Variants in PLXNA4 observed in about 807,000 individuals in gnomAD.
PLXNA4 encodes the protein plexin A4, also known as plexin-A4.
A neutral mutation model predicts 191.8 loss-of-function variants in PLXNA4; 44 were observed. The ratio of observed to expected loss-of-function variants is 0.23; its 90% confidence interval spans 0.18 to 0.29. The LOEUF (loss-of-function observed/expected upper bound fraction) is 0.29, where lower values mean the gene tolerates loss of function less well. Ranked by LOEUF, PLXNA4 falls within the 10% of genes least tolerant of loss-of-function variation. The pLI, the probability that PLXNA4 is intolerant of heterozygous loss-of-function variation, is 1.00. For missense variants in PLXNA4, 1,800 were observed against 2,488.8 expected, an observed-to-expected ratio of 0.72 and a Z score of 5.89; for synonymous variants, 1,082 against 1,009.5, an observed-to-expected ratio of 1.07 and a Z score of -1.36.
chr7:132,611,740 G>C (rs1803050083), intron 2 of PLXNA4, among the ~76,000 whole-genome samples: 1 of 152,228 alleles, frequency 6.6e-6, no homozygotes, highest in Non-Finnish European at 1.5e-5. Context: ...TACCTGTAGT[G>C]AGAGAGAACC....
At chr7:132,256,237 G>A (rs1035424678) in intron 4 of PLXNA4, among the ~76,000 whole-genome samples, 8 of 152,248 alleles carry the variant, frequency 5.3e-5, no homozygotes, top group African/African-American at 1.9e-4. Flanking sequence ...GGCATTTGCT[G>A]AGTTTGCAAA....
At chr7:132,319,756 T>C (rs143538022) in intron 3 of PLXNA4, among the ~76,000 whole-genome samples, 7 of 152,382 alleles carry the variant, frequency 4.6e-5, no homozygotes, top group African/African-American at 1.7e-4. Context: ...CTTTCTTTTA[T>C]TCCGTGTAAG....
chr7:132,161,039 A>G (rs1047640213), intron 24 of PLXNA4, among the ~76,000 whole-genome samples: 1 of 152,074 alleles, frequency 6.6e-6, no homozygotes, highest in Non-Finnish European at 1.5e-5. Context: ...GCCTCCTCCC[A>G]GCTCTCCCCT....
At chr7:132,371,078 C>T (rs1039800719) in intron 3 of PLXNA4, among the ~76,000 whole-genome samples, 20 of 152,014 alleles carry the variant, frequency 1.3e-4, no homozygotes, top group East Asian at 5.8e-4. Flanking sequence ...GGGAAAGGCA[C>T]GCTTCCAGGT....
At chr7:132,453,871 C>G (rs1796219429) in intron 3 of PLXNA4, among the ~76,000 whole-genome samples, 1 of 152,236 alleles carries the variant, frequency 6.6e-6, no homozygotes, top group South Asian at 2.1e-4. Flanking sequence ...AATTCCCCTT[C>G]AAGACCTCAT....
At chr7:132,130,630 C>T in intron 31 of PLXNA4, 56 bp from the exon 32 acceptor site, 1 of 1,611,460 alleles carries the variant, frequency 6.2e-7, no homozygotes, top group East Asian at 2.2e-5. Flanking sequence ...GGTCTGTGTT[C>T]TCAGGAGGCA....
At position 132,286,595 on chromosome 7, in the gene PLXNA4, C is replaced by T. The variant is rs186491281; in HGVS notation, c.1503+11496G>A. 3.3e-5 allele frequency among the ~76,000 whole-genome samples: 5 copies of T among 152,270 alleles called. No homozygotes were observed. In the East Asian group the frequency reaches 9.7e-4, roughly 29 times the overall value. ...CCCTCACCCACCCCTGCTCTACCTC[C>T]ACATCATAGCTCTTCTTCTCTATTC... On this transcript the variant is annotated intron_variant, in intron 4 of 31. Coordinates refer to ENST00000321063, the MANE Select transcript of PLXNA4 (RefSeq NM_020911.2).
chr7:132,557,304 T>C (rs1360578615), intron 1 of PLXNA4, among the ~76,000 whole-genome samples: 2 of 152,170 alleles, frequency 1.3e-5, no homozygotes, highest in East Asian at 3.9e-4. Context: ...TATCACGTGC[T>C]ACTGAAGTTG....
At chr7:132,202,982 A>C (rs76764847) in intron 11 of PLXNA4, 146 bp from the exon 12 acceptor site, 49 of 833,058 alleles carry the variant, frequency 5.9e-5, no homozygotes, top group Non-Finnish European at 8.4e-5. Flanking sequence ...CTGATGCAAA[A>C]AAGAACCTGA....
intron 1 of PLXNA4, among the ~76,000 whole-genome samples, chr7:132,550,103 C>CTATAAGGCAGG (rs1800494467): frequency 6.6e-6 from 1 of 152,104 alleles, no homozygotes; most frequent in Non-Finnish European, 1.5e-5. Context: ...CTATACCCCA[C>CTATAAGGCAGG]CTGCTGCCCA....
intron 3 of PLXNA4, among the ~76,000 whole-genome samples, chr7:132,316,353 GTTC>G (rs34505198): frequency 0.067 from 10,195 of 152,206 alleles, 448 homozygotes; most frequent in African/African-American, 0.12. Context: ...AAACCTTGAT[GTTC>G]TTAACATAAA....
intron 5 of PLXNA4, among the ~76,000 whole-genome samples, chr7:132,229,802 G>T (rs1029806752): frequency 6.6e-6 from 1 of 152,056 alleles, no homozygotes; most frequent in Non-Finnish European, 1.5e-5. Context: ...CAGGTGTGGT[G>T]TGGGGCAAGG....
rs1304677152 is a variant in PLXNA4, at chr7:132,543,731, G to A, written c.-87+32691C>T. ...AAAGGAAGGATCTTTAATAAGCGATGGGGAGCCATTGAAGATTCTCAAGCA... is the reference window on the plus strand; with the variant it reads ...AAAGGAAGGATCTTTAATAAGCGATAGGGAGCCATTGAAGATTCTCAAGCA... On this transcript the variant is annotated intron_variant, in intron 1 of 31. Coordinates refer to ENST00000321063, the MANE Select transcript of PLXNA4 (RefSeq NM_020911.2). Among the ~76,000 whole-genome samples, 3 of 152,228 alleles carry A rather than the reference G, an allele frequency of 2.0e-5. No individual in the cohort carries two copies. The East Asian group carries it at 5.8e-4, about 29-fold the overall frequency.
intron 25 of PLXNA4, among the ~76,000 whole-genome samples, chr7:132,158,005 T>G (rs1795844479): frequency 6.6e-6 from 1 of 151,970 alleles, no homozygotes; most frequent in Non-Finnish European, 1.5e-5. Flanking sequence ...CCCATACCCC[T>G]CCCCACCACC....
rs149923203 is a variant in PLXNA4, at chr7:132,559,843, T to C, written c.-87+16579A>G. On this transcript the variant is annotated intron_variant, in intron 1 of 31. Coordinates refer to ENST00000321063, the MANE Select transcript of PLXNA4 (RefSeq NM_020911.2). ...ATGTATTGGAAAGAGAGAGAACAGA[T>C]ACTGCTTGGGTTTTACTAAGCCCTA... is the stretch of plus-strand genomic sequence containing the variant. 5.9e-3 allele frequency among the ~76,000 whole-genome samples: 899 copies of C among 152,360 alleles called. 7 individuals carry two copies. The highest frequency in any genetic ancestry group is 0.037 in the Middle Eastern group (11 of 294).
chr7:132,362,266 T>C (rs1458433306), intron 3 of PLXNA4, among the ~76,000 whole-genome samples: 1 of 152,220 alleles, frequency 6.6e-6, no homozygotes, highest in African/African-American at 2.4e-5. Context: ...AGGGATCCTA[T>C]TGATGTGGTA....
intron 3 of PLXNA4, among the ~76,000 whole-genome samples, chr7:132,483,354 G>A (rs1354624646): frequency 6.6e-6 from 1 of 152,152 alleles, no homozygotes; most frequent in East Asian, 1.9e-4. Context: ...GACCACTTAT[G>A]GTTGGGGGCT....
At chr7:132,626,876 G>A (rs1803387067) in intron 2 of PLXNA4, among the ~76,000 whole-genome samples, 2 of 152,124 alleles carry the variant, frequency 1.3e-5, no homozygotes, top group South Asian at 4.1e-4. Context: ...CTGAGAATGT[G>A]AGTGAGCCTG....
In PLXNA4 at chr7:132,194,099, T is replaced by A. The variant is rs1156235299; in HGVS notation, c.2819A>T (p.Glu940Val). 6.2e-7 allele frequency: 1 copy of A among 1,614,014 alleles called. No homozygotes were observed. The highest frequency in any genetic ancestry group is 8.5e-7 in the Non-Finnish European group (1 of 1,179,952). Residue 940 changes from glutamate (E) to valine (V), a missense_variant, in exon 14 of 32, where the codon GAA becomes GTA. Around this residue, in one of 6 missense-constraint regions of PLXNA4, gnomAD observed 1,397 missense variants for 1,880.4 expected, o/e 0.74. Coordinates refer to ENST00000321063, the MANE Select transcript of PLXNA4 (RefSeq NM_020911.2). ...GAGCTGTGAGGACCGGGCCATGAAT[T>A]CAGGCCGACACACAGCCACGCAGAT... ...VEICVAVCRP[E>V]FMARSSQLYY...
Sources: allele counts gnomAD v4.1 joint callset (sites outside exome capture counted in the v4.1 genomes callset), GRCh38; gene constraint gnomAD v4.1.1; regional missense constraint gnomAD v4.1.1; transcripts MANE v1.5; gene names NCBI Gene and HGNC (gene_info 2026-07-23, HGNC 2026-07-21).